The following ISM2 variants were observed in gnomAD, a reference collection of about 807,000 sequenced individuals.
The protein encoded by ISM2 is isthmin 2, also known as isthmin-2.
Under a neutral mutation model 58.0 loss-of-function variants are expected in ISM2, and 50 were observed. The observed-to-expected ratio is 0.86, with a 90% CI of 0.69 to 1.09. The LOEUF (loss-of-function observed/expected upper bound fraction) is 1.09. Ranked by LOEUF, ISM2 falls within the 50% of genes least tolerant of loss-of-function variation. The pLI, the probability that ISM2 is intolerant of heterozygous loss-of-function variation, is 0.00. For synonymous variants in ISM2, 303 were observed against 312.4 expected (o/e 0.97, Z 0.32); for missense variants, 723 against 745.0 (o/e 0.97, Z 0.34).
intron 3 of ISM2, among the ~76,000 whole-genome samples, chr14:77,483,539 C>T (rs1293185410): frequency 6.9e-6 from 1 of 144,516 alleles, no homozygotes; most frequent in Non-Finnish European, 1.5e-5. Context: ...CAGAGCGAGA[C>T]TCCATCTCAA....
At chr14:77,498,131 G>GGCCC in intron 1 of ISM2, 1 of 558,200 alleles carries the variant, frequency 1.8e-6, no homozygotes, top group Non-Finnish European at 2.7e-6. Context: ...CCACCCACAG[G>GGCCC]CCACGAGGAC....
chr14:77,497,737 A>AGGAGGGAGGGAGGGAGGGAGGGAG (rs1292866877), intron 1 of ISM2, among the ~76,000 whole-genome samples: 1 of 46,278 alleles, frequency 2.2e-5, no homozygotes, highest in African/African-American at 6.9e-5. Flanking sequence ...GTAGGAAGGA[A>AGGAGGGAGGGAGGGAGGGAGGGAG]GGAGGGAGGG....
chr14:77,482,407 C>A lies in ISM2; in HGVS notation c.888G>T (p.Ala296=), dbSNP rs528707515. Residue 296 remains alanine, a synonymous_variant, in exon 4 of 7, where the codon GCG becomes GCT. Coordinates refer to ENST00000342219, the MANE Select transcript of ISM2 (RefSeq NM_199296.3). ...TGTCTGTAGTTCCATTGAACCAGAG[C>A]GCCTGCTCTTCCTCATCTTCCTCTT... is the stretch of plus-strand genomic sequence containing the variant. ...EDKEEDEEEQ[A]LWFNGTTDNW... 2 of 1,614,178 alleles carry A rather than the reference C, an allele frequency of 1.2e-6. No homozygotes were observed. The highest frequency in any genetic ancestry group is 2.2e-5 in the East Asian group (1 of 44,876).
intron 1 of ISM2, among the ~76,000 whole-genome samples, chr14:77,491,691 CTTTTTTTTTTTTTT>C (rs777579764): frequency 9.5e-6 from 1 of 105,268 alleles, no homozygotes; most frequent in Non-Finnish European, 1.9e-5. Context: ...CGCGTCTGGT[CTTTTTTTTTTTTTT>C]TTTTTTTTTG....
In ISM2 at chr14:77,498,671, G is replaced by T. The variant is rs1278089069; in HGVS notation, c.123C>A (p.Ser41Arg). The change falls in exon 1 of 7, where the codon AGC becomes AGA. Residue 41 changes from serine (S) to arginine (R), a missense_variant. By Grantham distance (110) the Ser-to-Arg change is moderately radical. Transcript: ENST00000342219. ...CACTCACCTCTGCGAGCCTCGTGAG[G>T]CTCCCAGGCCGTGGTCCGCGGAGCC... is the stretch of plus-strand genomic sequence containing the variant. ...KPRLRGPRPG[S>R]LTRLAEVSAS... 4.1e-6 allele frequency: 6 copies of T among 1,474,336 alleles called. No homozygotes were observed. The highest frequency in any genetic ancestry group is 5.4e-6 in the Non-Finnish European group (6 of 1,120,246). 91.3% of individuals were successfully genotyped at this position (1,474,336 alleles called of 1,614,324 possible). A position where few individuals can be genotyped will look rare whatever the true frequency, so the allele number is the denominator to read the frequency against.
At chr14:77,488,108 T>G (rs1278220824) in intron 1 of ISM2, among the ~76,000 whole-genome samples, 1 of 152,228 alleles carries the variant, frequency 6.6e-6, no homozygotes, top group Non-Finnish European at 1.5e-5. Context: ...TGTCACTTTT[T>G]CCAACTCAAA....
At position 77,478,296 on chromosome 14, in the gene ISM2, G is replaced by A; in HGVS notation, c.1144C>T (p.Pro382Ser). 6.2e-7 allele frequency: 1 copy of A among 1,614,148 alleles called. No individual in the cohort carries two copies. The highest frequency in any genetic ancestry group is 1.1e-5 in the South Asian group (1 of 91,090). Residue 382 changes from proline to serine, a missense_variant, in exon 6 of 7, where the codon CCC becomes TCC. Coordinates refer to ENST00000342219, the MANE Select transcript of ISM2 (RefSeq NM_199296.3). ...GCCAGGAGCTTCCACTCCTCACTGG[G>A]GAGGCCCAAGGTGTCCTTGTCCTCA... ...GTEDKDTLGLPSEEWKLLARN... is the reference protein window; with the variant it reads ...GTEDKDTLGLSSEEWKLLARN...
At chr14:77,485,022 G>T in intron 1 of ISM2, 103 bp from the exon 2 acceptor site, 1 of 1,202,432 alleles carries the variant, frequency 8.3e-7, no homozygotes, top group African/African-American at 1.5e-5. Flanking sequence ...GGTCTGACCG[G>T]GTCATAAACT....
rs371781876 is a variant in ISM2 at position 77,484,630 on chromosome 14, G to C, written c.384+47C>G. The C allele has an allele frequency of 6.5e-5, 105 of 1,606,264 alleles. No homozygotes were observed. The South Asian group carries it at 7.7e-4, about 12-fold the overall frequency. On this transcript the variant is annotated intron_variant, in intron 2 of 6. Transcript: ENST00000342219. ...CTTACCCAACAGGGACCCAGAAAAG[G>C]CTGGCCAGGCAGAGCCAGGAGCTGC...
At chr14:77,482,854 G>A (rs1252692275) in intron 3 of ISM2, 187 bp from the exon 4 acceptor site, 15 of 519,462 alleles carry the variant, frequency 2.9e-5, no homozygotes, top group African/African-American at 3.9e-5. Context: ...CACAGCTTAC[G>A]GCCTGGAGGT....
At chr14:77,489,720 T>C (rs2079189516) in intron 1 of ISM2, among the ~76,000 whole-genome samples, 2 of 152,114 alleles carry the variant, frequency 1.3e-5, no homozygotes, top group African/African-American at 4.8e-5. Flanking sequence ...CTCACTGTAA[T>C]AAGAGTAGTG....
At chr14:77,477,971 G>A (rs1048009910) in intron 6 of ISM2, among the ~76,000 whole-genome samples, 1 of 152,168 alleles carries the variant, frequency 6.6e-6, no homozygotes, top group South Asian at 2.1e-4. Context: ...CTATCCTGCT[G>A]CCAGGGAGGA....
At chr14:77,477,668 G>A (rs2079106563) in intron 6 of ISM2, among the ~76,000 whole-genome samples, 1 of 152,244 alleles carries the variant, frequency 6.6e-6, no homozygotes, top group Non-Finnish European at 1.5e-5. Flanking sequence ...CCCTGTGCCA[G>A]CACCATGGCC....
intron 1 of ISM2, among the ~76,000 whole-genome samples, chr14:77,491,183 A>G (rs1466204439): frequency 6.6e-6 from 1 of 152,170 alleles, no homozygotes; most frequent in Non-Finnish European, 1.5e-5. Flanking sequence ...CACCCCCACC[A>G]TGTTCATGAC....
chr14:77,483,175 C>T (rs546242224), intron 3 of ISM2, among the ~76,000 whole-genome samples: 7 of 152,208 alleles, frequency 4.6e-5, no homozygotes, highest in Non-Finnish European at 1.0e-4. Flanking sequence ...AACTGAACTT[C>T]GGAAACATTA....
At chr14:77,484,945 G>A (rs1383494051) in intron 1 of ISM2, 26 bp from the exon 2 acceptor site, 8 of 1,532,286 alleles carry the variant, frequency 5.2e-6, no homozygotes, top group African/African-American at 1.4e-5. Context: ...GGAAGGTAAG[G>A]TAACAGGTCA....
Position 77,480,320 on chromosome 14 carries a change from A to T in ISM2, c.974-1605T>A, listed in dbSNP as rs2079123707. Among the ~76,000 whole-genome samples the T allele has an allele frequency of 2.0e-5, 3 of 149,946 alleles. No homozygotes were observed. The South Asian group carries it at 6.4e-4, about 32-fold the overall frequency. ...ACTGTCTCAAAAAAAAAAAAAAAAG[A>T]ATTTCCCTGCTACCCATATTAGGGA... is the stretch of plus-strand genomic sequence containing the variant. On this transcript the variant is annotated intron_variant, in intron 4 of 6. Coordinates refer to ENST00000342219, the MANE Select transcript of ISM2 (RefSeq NM_199296.3).
At position 77,482,825 on chromosome 14, in the gene ISM2, C is replaced by A; in HGVS notation, c.628-158G>T. On this transcript the variant is annotated intron_variant, in intron 3 of 6. Coordinates refer to ENST00000342219, the MANE Select transcript of ISM2 (RefSeq NM_199296.3). ...TGACATTTTTGGCTAACCTTCCTGG[C>A]CTCTTAGGGCACAAGAATCACAGCT... The A allele has an allele frequency of 9.0e-6, 5 of 553,416 alleles. No homozygotes were observed. The South Asian group carries it at 1.4e-4, about 15-fold the overall frequency. The allele number at this position is 553,416 out of a possible 1,614,324, so 34.3% of individuals were successfully genotyped here. A position where few individuals can be genotyped will look rare whatever the true frequency, so the allele number is the denominator to read the frequency against.
intron 1 of ISM2, 54 bp downstream of exon 1, chr14:77,498,599 C>A: frequency 1.4e-6 from 2 of 1,400,542 alleles, no homozygotes; most frequent in Non-Finnish European, 1.8e-6. Flanking sequence ...AGCCGGCGGG[C>A]TGGGGAGGTG....
Sources: gnomAD v4.1 joint callset for allele counts (sites outside exome capture counted in the v4.1 genomes callset) on GRCh38, gnomAD v4.1.1 for gene constraint, MANE v1.5 for transcripts, NCBI Gene and HGNC (gene_info 2026-07-23, HGNC 2026-07-21) for gene names.